PLPPR1: variants seen among roughly 807,000 people sequenced by gnomAD.
PLPPR1 encodes phospholipid phosphatase related 1, also known as phospholipid phosphatase-related protein type 1.
Under a neutral mutation model 33.1 loss-of-function variants are expected in PLPPR1, and 10 were observed. The ratio of observed to expected loss-of-function variants is 0.30; its 90% CI spans 0.19 to 0.51. The LOEUF (loss-of-function observed/expected upper bound fraction) is 0.51. PLPPR1 is among the 20% of genes least tolerant of loss of function. The probability of loss-of-function intolerance (pLI) is 0.97; values close to 1 mark genes in which losing one functional copy is unlikely to be tolerated. For missense variants in PLPPR1, 304 were observed against 408.1 expected (o/e 0.74, Z 2.20); for synonymous variants, 151 against 151.0 (o/e 1.00, Z 0.00).
intron 2 of PLPPR1, among the ~76,000 whole-genome samples, chr9:101,218,583 G>A (rs368365908): frequency 1.5e-4 from 23 of 152,302 alleles, no homozygotes; most frequent in African/African-American, 5.1e-4. Flanking sequence ...AGGGCATAGT[G>A]CAGTGCTTTG....
intron 1 of PLPPR1, among the ~76,000 whole-genome samples, chr9:101,064,164 T>C (rs1830380488): frequency 6.6e-6 from 1 of 152,104 alleles, no homozygotes; most frequent in Non-Finnish European, 1.5e-5. Context: ...TTAATCCAAC[T>C]CATTCTTGAA....
At chr9:101,249,044 C>T (rs1827665861) in intron 2 of PLPPR1, among the ~76,000 whole-genome samples, 1 of 152,034 alleles carries the variant, frequency 6.6e-6, no homozygotes, top group South Asian at 2.1e-4. Flanking sequence ...TTAGGTAGAA[C>T]CACCATGATT....
chr9:101,101,108 G>A (rs764317283), intron 1 of PLPPR1, among the ~76,000 whole-genome samples: 25 of 152,126 alleles, frequency 1.6e-4, no homozygotes, highest in Non-Finnish European at 2.8e-4. Context: ...TTTGCTCTGT[G>A]TTATAATTAG....
intron 1 of PLPPR1, among the ~76,000 whole-genome samples, chr9:101,100,597 T>A (rs1266017403): frequency 1.3e-5 from 2 of 152,002 alleles, no homozygotes; most frequent in Non-Finnish European, 2.9e-5. Context: ...GAACACACAC[T>A]TTTATATGCT....
At position 101,301,145 on chromosome 9, in the gene PLPPR1, C is replaced by T. The variant is rs1828743852; in HGVS notation, c.386-8066C>T. Among the ~76,000 whole-genome samples the T allele has an allele frequency of 2.0e-5, 3 of 152,294 alleles. No homozygotes were observed. In the South Asian group the frequency reaches 6.2e-4, roughly 32 times the overall value. On this transcript the variant is annotated intron_variant, in intron 4 of 7. Transcript: ENST00000374874. The stretch of plus-strand genomic sequence containing the variant: ...ATTAAGTAATTATCCTTCATCTTCA[C>T]TTATCATGAGTAATTACAATGACAA...
Position 101,242,314 on chromosome 9 carries a change from C to T in PLPPR1, c.64-27566C>T, listed in dbSNP as rs552084469. On this transcript the variant is annotated intron_variant, in intron 2 of 7. Transcript: ENST00000374874. Reference sequence around the variant, plus strand: ...TTTTAATCCCATGCTATTGGTCAAGCAAACCACCTTCAGGGAGAGGAGAAT... The same window carrying T: ...TTTTAATCCCATGCTATTGGTCAAGTAAACCACCTTCAGGGAGAGGAGAAT... 2.0e-5 allele frequency among the ~76,000 whole-genome samples: 3 copies of T among 151,546 alleles called. No individual in the cohort carries two copies. The South Asian group carries it at 6.3e-4, about 32-fold the overall frequency.
intron 2 of PLPPR1, among the ~76,000 whole-genome samples, chr9:101,252,318 T>C (rs1400955319): frequency 1.3e-5 from 2 of 152,170 alleles, no homozygotes; most frequent in Non-Finnish European, 2.9e-5. Flanking sequence ...TCAAGCTAGA[T>C]GAACTAGGTG....
intron 3 of PLPPR1, among the ~76,000 whole-genome samples, chr9:101,280,506 A>G (rs1279400471): frequency 6.6e-6 from 1 of 152,156 alleles, no homozygotes; most frequent in Non-Finnish European, 1.5e-5. Flanking sequence ...GTACAGGCCA[A>G]TATCCCTAAT....
chr9:101,069,463 C>T (rs964920092), intron 1 of PLPPR1, among the ~76,000 whole-genome samples: 3 of 152,024 alleles, frequency 2.0e-5, no homozygotes, highest in Non-Finnish European at 2.9e-5. Context: ...CAGTGGTGTC[C>T]TCCCTGGAAA....
At chr9:101,175,701 A>C (rs528715763) in intron 1 of PLPPR1, among the ~76,000 whole-genome samples, 11 of 152,332 alleles carry the variant, frequency 7.2e-5, no homozygotes, top group Middle Eastern at 3.4e-3. Context: ...TGAATGAATA[A>C]ATTATATGGC....
At chr9:101,129,186 T>C (rs1448565706) in intron 1 of PLPPR1, among the ~76,000 whole-genome samples, 3 of 152,090 alleles carry the variant, frequency 2.0e-5, no homozygotes, top group Admixed American at 1.3e-4. Flanking sequence ...GCCCAAGAGA[T>C]CCTTGTTTAA....
intron 1 of PLPPR1, chr9:101,131,608 C>T (rs1218622077): frequency 1.3e-5 from 2 of 152,338 alleles, no homozygotes; most frequent in East Asian, 3.9e-4. Context: ...GGCTCTCCCT[C>T]AGACGCCAAC....
intron 5 of PLPPR1, among the ~76,000 whole-genome samples, chr9:101,311,343 AT>A (rs1266281467): frequency 3.3e-5 from 5 of 152,204 alleles, no homozygotes; most frequent in Admixed American, 3.3e-4. Flanking sequence ...CTGATATAAG[AT>A]TCCAATTGCA....
At chr9:101,177,482 T>C (rs183115014) in intron 1 of PLPPR1, among the ~76,000 whole-genome samples, 25 of 152,274 alleles carry the variant, frequency 1.6e-4, no homozygotes, top group Admixed American at 1.5e-3. Context: ...GTGTTTGTTG[T>C]TTTTGTTTGT....
At chr9:101,213,883 T>C (rs1826733784) in intron 2 of PLPPR1, among the ~76,000 whole-genome samples, 1 of 152,236 alleles carries the variant, frequency 6.6e-6, no homozygotes, top group African/African-American at 2.4e-5. Context: ...AAGGTTATAA[T>C]TGAATTAAAT....
intron 1 of PLPPR1, among the ~76,000 whole-genome samples, chr9:101,123,451 C>A (rs1048257367): frequency 2.0e-5 from 3 of 151,888 alleles, no homozygotes; most frequent in Non-Finnish European, 4.4e-5. Context: ...GTGATCAGAC[C>A]CAACACCAGG....
intron 1 of PLPPR1, among the ~76,000 whole-genome samples, chr9:101,128,429 CA>C: frequency 6.6e-6 from 1 of 152,200 alleles, no homozygotes; most frequent in South Asian, 2.1e-4. Context: ...CTACTCTTGC[CA>C]AACTCTTGTC....
At chr9:101,274,864 G>A in intron 3 of PLPPR1, among the ~76,000 whole-genome samples, 1 of 152,078 alleles carries the variant, frequency 6.6e-6, no homozygotes, top group East Asian at 1.9e-4. Context: ...TTCCTTCTGT[G>A]GGTTCAGTTT....
intron 1 of PLPPR1, among the ~76,000 whole-genome samples, chr9:101,167,141 G>GGGGTGTGTGTGTGTGTGTGTGTGT (rs1297322438): frequency 0.012 from 469 of 39,746 alleles, 12 homozygotes; most frequent in Non-Finnish European, 0.018. Context: ...TATGTCTCTC[G>GGGGTGTGTGTGTGTGTGTGTGTGT]GTGTGTGTGT....
Sources: allele counts gnomAD v4.1 joint callset (sites outside exome capture counted in the v4.1 genomes callset), GRCh38; gene constraint gnomAD v4.1.1; transcripts MANE v1.5; gene names NCBI Gene and HGNC (gene_info 2026-07-23, HGNC 2026-07-21).